Variants in ZFYVE19 observed in about 807,000 individuals in gnomAD.
ZFYVE19 encodes the protein abscission/NoCut checkpoint regulator.
Under a neutral mutation model 62.8 loss-of-function variants are expected in ZFYVE19, and 49 were observed. The ratio of observed to expected loss-of-function variants is 0.78; its 90% CI spans 0.62 to 0.99. The LOEUF is 0.99. Among genes scored for constraint, ZFYVE19 ranks in the 50% least tolerant of loss-of-function variants. The pLI is 0.00. For missense variants in ZFYVE19, 630 were observed against 601.9 expected, an observed-to-expected ratio of 1.05 and a Z score of -0.49; for synonymous variants, 242 against 234.3, an observed-to-expected ratio of 1.03 and a Z score of -0.30.
chr15:40,812,860 G>A lies in ZFYVE19; in HGVS notation c.988G>A (p.Ala330Thr). Residue 330 changes from alanine (A) to threonine (T), a missense_variant, in exon 7 of 11, where the codon GCC (alanine) becomes ACC (threonine). Coordinates refer to ENST00000355341, the MANE Select transcript of ZFYVE19 (RefSeq NM_001077268.2). Reference sequence around the variant, plus strand: ...GAGGCAGGAACGGATTCTGGCCCTGGCCAAGCGACTAGCCATGCTGCGGGG... The same window carrying A: ...GAGGCAGGAACGGATTCTGGCCCTGACCAAGCGACTAGCCATGCTGCGGGG... ...NTRQERILAL[A>T]KRLAMLRGQD... 6.2e-7 allele frequency: 1 copy of A among 1,613,246 alleles called. No homozygotes were observed. Among genetic ancestry groups the A allele is most frequent in the East Asian group, 2.2e-5 (1 of 44,872 alleles).
rs768939375 is a variant in ZFYVE19, at chr15:40,814,237, G to C, written c.*11G>C. ...GGCCAAGAGCACTGAAGACACCCTG[G>C]TCCTCCCGGAAGGGCAGTCCCACAG... On this transcript the variant is annotated 3_prime_UTR_variant, in exon 11 of 11. Coordinates refer to ENST00000355341, the MANE Select transcript of ZFYVE19 (RefSeq NM_001077268.2). The C allele has an allele frequency of 6.2e-7, 1 of 1,613,966 alleles. No individual in the cohort carries two copies. Among genetic ancestry groups the C allele is most frequent in the South Asian group, 1.1e-5 (1 of 91,068 alleles).
In ZFYVE19 at chr15:40,807,402, C is replaced by T. The variant is rs775880641; in HGVS notation, c.-188C>T. ...CCGCTGCCTTCTCCTCAATGCCTAGCAGCGCGTACAGGTCCATCTGTAAGA... is the reference window on the plus strand; with the variant it reads ...CCGCTGCCTTCTCCTCAATGCCTAGTAGCGCGTACAGGTCCATCTGTAAGA... On this transcript the variant is annotated 5_prime_UTR_variant, in exon 1 of 11. Transcript: ENST00000355341. 46 of 1,614,278 alleles carry T rather than the reference C, an allele frequency of 2.8e-5. No homozygotes were observed. The Middle Eastern group carries it at 1.2e-3, about 41-fold the overall frequency.
intron 5 of ZFYVE19, among the ~76,000 whole-genome samples, 161 bp downstream of exon 5, chr15:40,810,377 G>A (rs1347096349): frequency 6.6e-6 from 1 of 152,202 alleles, no homozygotes; most frequent in Non-Finnish European, 1.5e-5. Flanking sequence ...TGTACTTTAT[G>A]TACTTTGCAG....
rs764911700 is a variant in ZFYVE19, at chr15:40,807,783, G to C, written c.194G>C (p.Ser65Thr). 1.3e-6 allele frequency: 2 copies of C among 1,577,764 alleles called. No homozygotes were observed. The highest frequency in any genetic ancestry group is 1.1e-5 in the South Asian group (1 of 87,156). Residue 65 changes from serine to threonine, a missense_variant, in exon 1 of 11, where the codon AGC becomes ACC. Ser to Thr is a moderately conservative substitution (Grantham distance 58, BLOSUM62 1). Transcript: ENST00000355341. ...RGPGLGRRDL[S>T]SADPAVLGAT... ...CCAGGACTTGGCCGGCGTGATCTCAGCTCTGCAGACCCTGCGGTGCTGGGA... is the reference window on the plus strand; with the variant it reads ...CCAGGACTTGGCCGGCGTGATCTCACCTCTGCAGACCCTGCGGTGCTGGGA...
intron 1 of ZFYVE19, 26 bp from the exon 2 acceptor site, chr15:40,809,093 G>T (rs759726014): frequency 2.5e-6 from 4 of 1,611,102 alleles, no homozygotes; most frequent in South Asian, 2.2e-5. Flanking sequence ...GTGAGAGGGG[G>T]ATCTCCCGCT....
chr15:40,808,144 C>T, intron 1 of ZFYVE19: 1 of 1,124,780 alleles, frequency 8.9e-7, no homozygotes, highest in Non-Finnish European at 1.2e-6. Context: ...TTCTGTCGGC[C>T]CAGTGTAGCA....
intron 7 of ZFYVE19, 108 bp downstream of exon 7, chr15:40,813,010 GC>G: frequency 1.6e-6 from 2 of 1,277,924 alleles, no homozygotes; most frequent in Non-Finnish European, 2.2e-6. Context: ...ACTGAGCCCA[GC>G]CCAGAGCCAC....
At chr15:40,812,413 T>G (rs1890514621) in intron 6 of ZFYVE19, among the ~76,000 whole-genome samples, 1 of 151,574 alleles carries the variant, frequency 6.6e-6, no homozygotes, top group South Asian at 2.1e-4. Flanking sequence ...GGGCATGGTG[T>G]CACGTGCCTG....
At position 40,808,974 on chromosome 15, in the gene ZFYVE19, A is replaced by G. The variant is rs1890380509; in HGVS notation, c.280-145A>G. On this transcript the variant is annotated intron_variant, in intron 1 of 10. Coordinates refer to ENST00000355341, the MANE Select transcript of ZFYVE19 (RefSeq NM_001077268.2). ...AGGAATTGCTTTACTCACCATCCCT[A>G]GGCCTTAGGGGCCCCACTCCTCTTC... is the stretch of plus-strand genomic sequence containing the variant. 11 of 1,043,716 alleles carry G rather than the reference A, an allele frequency of 1.1e-5. No individual in the cohort carries two copies. In the South Asian group the frequency reaches 1.7e-4, roughly 16 times the overall value. The allele number at this position is 1,043,716 out of a possible 1,614,324, so 64.7% of individuals were successfully genotyped here.
At position 40,814,096 on chromosome 15, in the gene ZFYVE19, C is replaced by T. The variant is rs73398591; in HGVS notation, c.1337+26C>T. On this transcript the variant is annotated intron_variant, in intron 10 of 10. Coordinates refer to ENST00000355341, the MANE Select transcript of ZFYVE19 (RefSeq NM_001077268.2). Reference sequence around the variant, plus strand: ...GTGGGTGCAGGTGGAATGTTCTGTGCGAGAGCTCAAGGGCTGCCTGGATCC... The same window carrying T: ...GTGGGTGCAGGTGGAATGTTCTGTGTGAGAGCTCAAGGGCTGCCTGGATCC... The T allele has an allele frequency of 8.7e-3, 14,006 of 1,614,062 alleles. 1,081 individuals carry two copies. In the African/African-American group the frequency reaches 0.17, roughly 19 times the overall value.
chr15:40,808,131 CTT>C, intron 1 of ZFYVE19: 7 of 1,479,398 alleles, frequency 4.7e-6, no homozygotes, highest in Non-Finnish European at 6.5e-6. Flanking sequence ...CAAAGCTACT[CTT>C]TTCTGTCGGC....
At chr15:40,808,953 A>C in intron 1 of ZFYVE19, 166 bp from the exon 2 acceptor site, 1 of 799,550 alleles carries the variant, frequency 1.3e-6, no homozygotes, top group Non-Finnish European at 2.0e-6. Flanking sequence ...AAACCGAGGA[A>C]TTGCTTTACT....
At chr15:40,808,799 A>T in intron 1 of ZFYVE19, 1 of 334,988 alleles carries the variant, frequency 3.0e-6, no homozygotes, top group Non-Finnish European at 5.6e-6. Context: ...TGTCTCTCTG[A>T]TTCTCCTTTG....
Position 40,807,655 on chromosome 15 carries a change from C to G in ZFYVE19, c.66C>G (p.Ser22=). The G allele has an allele frequency of 6.2e-7, 1 of 1,612,544 alleles. No homozygotes were observed. The highest frequency in any genetic ancestry group is 8.5e-7 in the Non-Finnish European group (1 of 1,179,752). Residue 22 remains serine, a synonymous_variant, in exon 1 of 11, where the codon TCC becomes TCG. Coordinates refer to ENST00000355341, the MANE Select transcript of ZFYVE19 (RefSeq NM_001077268.2). ...PLPYAGCRRA[S]GFPALGRGGT... is the part of the protein sequence containing the mutation. ...CGTACGCTGGCTGCAGGAGAGCGTCCGGATTCCCTGCTCTAGGTCGCGGCG... is the reference window on the plus strand; with the variant it reads ...CGTACGCTGGCTGCAGGAGAGCGTCGGGATTCCCTGCTCTAGGTCGCGGCG...
rs1890612935 is a variant in ZFYVE19 at position 40,814,607 on chromosome 15, C to A, written c.*381C>A. On this transcript the variant is annotated 3_prime_UTR_variant, in exon 11 of 11. Transcript: ENST00000355341. ...TTTCTACAACCCTATGAGCCTGGGC[C>A]CTGTGAGAGGTGGCAGGAACAGAGC... 1 of 276,380 alleles carries A rather than the reference C, an allele frequency of 3.6e-6. No homozygotes were observed. Among genetic ancestry groups the A allele is most frequent in the Middle Eastern group, 1.4e-3 (1 of 734 alleles). 17.1% of individuals were successfully genotyped at this position (276,380 alleles called of 1,614,324 possible).
chr15:40,810,145 T>C lies in ZFYVE19; in HGVS notation c.646T>C (p.Ser216Pro), dbSNP rs1424579211. Residue 216 changes from serine (S) to proline (P), a missense_variant, in exon 5 of 11, where the codon TCC becomes CCC. Physicochemically the swap from Ser to Pro is moderately conservative, Grantham distance 74. Coordinates refer to ENST00000355341, the MANE Select transcript of ZFYVE19 (RefSeq NM_001077268.2). ...GGATGAACGTCAGGGTTCCATCCCT[T>C]CCACCCAGGAAATGGAGGCACGACT... is the stretch of plus-strand genomic sequence containing the variant. ...LKDERQGSIP[S>P]TQEMEARLAA... is the part of the protein sequence containing the mutation. 1 of 1,613,972 alleles carries C rather than the reference T, an allele frequency of 6.2e-7. No homozygotes were observed. The highest frequency in any genetic ancestry group is 1.3e-5 in the African/African-American group (1 of 74,868).
At chr15:40,810,431 TGCTACCAGACCCGG>T (rs1890448482) in intron 5 of ZFYVE19, among the ~76,000 whole-genome samples, 1 of 152,198 alleles carries the variant, frequency 6.6e-6, no homozygotes, top group South Asian at 2.1e-4. Flanking sequence ...TCCTCAGGCC[TGCTACCAGACCCGG>T]GGACCAGGGA....
In ZFYVE19 at chr15:40,807,699, T is replaced by C. The variant is rs1319549972; in HGVS notation, c.110T>C (p.Val37Ala). The change falls in exon 1 of 11, where the codon GTG becomes GCG. Residue 37 changes from valine (V) to alanine (A), a missense_variant. Val to Ala is a moderately conservative substitution (Grantham distance 64). Transcript: ENST00000355341. ...CGCGGCGGGACAGTGCCAGTGGGCG[T>C]GTGGGGCGGGGCAGGGCAGGGAAGG... ...LGRGGTVPVGVWGGAGQGREG... is the reference protein window; with the variant it reads ...LGRGGTVPVGAWGGAGQGREG... 7.2e-7 allele frequency: 1 copy of C among 1,383,324 alleles called. No individual in the cohort carries two copies. Among genetic ancestry groups the C allele is most frequent in the Middle Eastern group, 2.0e-4 (1 of 5,060 alleles). 85.7% of individuals were successfully genotyped at this position (1,383,324 alleles called of 1,614,324 possible). A position where few individuals can be genotyped will look rare whatever the true frequency, so the allele number is the denominator to read the frequency against.
Position 40,814,546 on chromosome 15 carries a change from AATAAAGT to A in ZFYVE19, c.*323_*329del, listed in dbSNP as rs1352312340. On this transcript the variant is annotated 3_prime_UTR_variant, in exon 11 of 11. Coordinates refer to ENST00000355341, the MANE Select transcript of ZFYVE19 (RefSeq NM_001077268.2). ...CCCTCCCCTGGCACTTAGTGGGTCTAATAAAGTATGTTGATTCATTGGGCCCAGCATC... is the reference window on the plus strand; with the variant it reads ...CCCTCCCCTGGCACTTAGTGGGTCTAATGTTGATTCATTGGGCCCAGCATC... 9.6e-6 allele frequency: 4 copies of A among 416,168 alleles called. No individual in the cohort carries two copies. The highest frequency in any genetic ancestry group is 1.8e-5 in the Non-Finnish European group (4 of 223,128). 25.8% of individuals were successfully genotyped at this position (416,168 alleles called of 1,614,324 possible).
Sources: gnomAD v4.1 joint callset for allele counts (sites outside exome capture counted in the v4.1 genomes callset) on GRCh38, gnomAD v4.1.1 for gene constraint, MANE v1.5 for transcripts, NCBI Gene and HGNC (gene_info 2026-07-23, HGNC 2026-07-21) for gene names.